The following DOCK5 variants were observed in gnomAD, a reference collection of about 807,000 sequenced individuals.
DOCK5 encodes dedicator of cytokinesis 5.
A neutral mutation model predicts 251.8 loss-of-function variants in DOCK5; 142 were observed. The observed-to-expected ratio is 0.56, with a 90% CI of 0.49 to 0.65. The LOEUF (loss-of-function observed/expected upper bound fraction) is 0.65. Among genes scored for constraint, DOCK5 ranks in the 30% least tolerant of loss-of-function variants. DOCK5 has a pLI of 0.00. For missense variants in DOCK5, 2,111 were observed against 2,312.3 expected (o/e 0.91, Z 1.79); for synonymous variants, 842 against 835.5 (o/e 1.01, Z -0.13).
chr8:25,338,185 G>T (rs117693285), intron 22 of DOCK5, among the ~76,000 whole-genome samples: 1 of 151,406 alleles, frequency 6.6e-6, no homozygotes, highest in South Asian at 2.1e-4. Flanking sequence ...GGGACCAAAG[G>T]GCACGTCACC....
chr8:25,243,161 C>T (rs1220683336), intron 1 of DOCK5, among the ~76,000 whole-genome samples: 3 of 152,080 alleles, frequency 2.0e-5, no homozygotes, highest in Non-Finnish European at 2.9e-5. Context: ...TGTGATTTGC[C>T]CCTCTATCAC....
chr8:25,366,506 C>A (rs769879783), intron 30 of DOCK5, among the ~76,000 whole-genome samples: 19 of 152,120 alleles, frequency 1.2e-4, no homozygotes, highest in Non-Finnish European at 2.6e-4. Context: ...CAACAAAATT[C>A]ATGGTTATTT....
chr8:25,358,829 A>C (rs1001093147), intron 27 of DOCK5, 134 bp from the exon 28 acceptor site: 12 of 728,350 alleles, frequency 1.6e-5, no homozygotes, highest in Non-Finnish European at 2.7e-5. Flanking sequence ...TTTAGAATGC[A>C]GCGTGTTTCC....
At chr8:25,380,476 G>A (rs1250811197) in intron 39 of DOCK5, 82 bp downstream of exon 39, 12 of 1,207,162 alleles carry the variant, frequency 9.9e-6, no homozygotes, top group South Asian at 9.5e-5. Flanking sequence ...TAAGTTGAAA[G>A]TCAGGATGAA....
chr8:25,383,163 A>G (rs1186693029), intron 40 of DOCK5, among the ~76,000 whole-genome samples: 1 of 152,178 alleles, frequency 6.6e-6, no homozygotes, highest in Non-Finnish European at 1.5e-5. Context: ...ATCCCAAAAT[A>G]AAACATTTTA....
At chr8:25,336,124 T>C in intron 21 of DOCK5, 115 bp from the exon 22 acceptor site, 1 of 1,148,296 alleles carries the variant, frequency 8.7e-7, no homozygotes, top group Non-Finnish European at 1.2e-6. Context: ...CTAGAAGATA[T>C]AATTAGTTAT....
At chr8:25,250,835 G>A (rs1210432608) in intron 2 of DOCK5, among the ~76,000 whole-genome samples, 2 of 152,316 alleles carry the variant, frequency 1.3e-5, no homozygotes, top group Middle Eastern at 3.4e-3. Flanking sequence ...AGAGGGAGAC[G>A]GAAGACTATT....
chr8:25,395,489 T>C lies in DOCK5; in HGVS notation c.4528-54T>C. 10 of 1,561,948 alleles carry C rather than the reference T, an allele frequency of 6.4e-6. No homozygotes were observed. The South Asian group carries it at 9.6e-5, about 15-fold the overall frequency. ...AAGGGAAGAGTTAAACTTTTTTCAG[T>C]CTTTACTTGGAGCTGACAAGTGTCC... On this transcript the variant is annotated intron_variant, in intron 44 of 51. Coordinates refer to ENST00000276440, the MANE Select transcript of DOCK5 (RefSeq NM_024940.8).
In DOCK5 at chr8:25,404,738, C is replaced by A. The variant is rs534746974; in HGVS notation, c.5093+1014C>A. ...ACAACTATATCAATATGGGAAAAATCTCGTATGTGAAATTGCTCTGTCAAA... is the reference window on the plus strand; with the variant it reads ...ACAACTATATCAATATGGGAAAAATATCGTATGTGAAATTGCTCTGTCAAA... On this transcript the variant is annotated intron_variant, in intron 48 of 51. Coordinates refer to ENST00000276440, the MANE Select transcript of DOCK5 (RefSeq NM_024940.8). 2.6e-4 allele frequency among the ~76,000 whole-genome samples: 40 copies of A among 152,032 alleles called. 1 individual carries two copies. The highest frequency in any genetic ancestry group is 3.4e-3 in the Middle Eastern group (1 of 294).
Position 25,243,776 on chromosome 8 carries a change from C to G in DOCK5, c.127+19C>G. ...TACGAGGGTAAGTCTGGCTGGCCTT[C>G]TGCCAGATGAGGGCAAGGGAAAAAC... On this transcript the variant is annotated intron_variant, in intron 2 of 51. Coordinates refer to ENST00000276440, the MANE Select transcript of DOCK5 (RefSeq NM_024940.8). 3 of 1,612,034 alleles carry G rather than the reference C, an allele frequency of 1.9e-6. No individual in the cohort carries two copies. Among genetic ancestry groups the G allele is most frequent in the Non-Finnish European group, 2.5e-6 (3 of 1,178,642 alleles).
At chr8:25,313,729 C>G (rs1401327989) in intron 13 of DOCK5, among the ~76,000 whole-genome samples, 1 of 152,188 alleles carries the variant, frequency 6.6e-6, no homozygotes, top group Non-Finnish European at 1.5e-5. Context: ...GCCATCTTCT[C>G]CCTTCGTCTT....
intron 16 of DOCK5, among the ~76,000 whole-genome samples, chr8:25,322,080 T>G (rs577449674): frequency 6.6e-6 from 1 of 152,344 alleles, no homozygotes; most frequent in South Asian, 2.1e-4. Context: ...TGGAATCGTC[T>G]TATTCTCATT....
At chr8:25,397,985 C>T (rs144707745) in intron 45 of DOCK5, among the ~76,000 whole-genome samples, 205 of 152,178 alleles carry the variant, frequency 1.3e-3, no homozygotes, top group Non-Finnish European at 2.3e-3. Context: ...TGGGGTAGCC[C>T]GTCATTACAT....
At chr8:25,325,944 C>T (rs1197390380) in intron 18 of DOCK5, among the ~76,000 whole-genome samples, 1 of 152,116 alleles carries the variant, frequency 6.6e-6, no homozygotes, top group Non-Finnish European at 1.5e-5. Flanking sequence ...CCTGTCCAAA[C>T]AGGTATGGCA....
intron 1 of DOCK5, among the ~76,000 whole-genome samples, chr8:25,214,559 A>G (rs964619047): frequency 3.3e-5 from 5 of 152,146 alleles, no homozygotes; most frequent in South Asian, 4.1e-4. Context: ...GTCAGTATCT[A>G]TAAGTATACA....
At chr8:25,398,108 C>G (rs1436566684) in intron 45 of DOCK5, among the ~76,000 whole-genome samples, 1 of 152,142 alleles carries the variant, frequency 6.6e-6, no homozygotes, top group Non-Finnish European at 1.5e-5. Flanking sequence ...ATTCATCTCC[C>G]CTTTCTGTTC....
chr8:25,265,207 C>T (rs1749998269), intron 2 of DOCK5, among the ~76,000 whole-genome samples: 1 of 151,962 alleles, frequency 6.6e-6, no homozygotes, highest in African/African-American at 2.4e-5. Flanking sequence ...TCACCCCAGA[C>T]CAGTTAAATC....
chr8:25,274,022 G>T (rs1281406338), intron 3 of DOCK5, among the ~76,000 whole-genome samples: 1 of 152,200 alleles, frequency 6.6e-6, no homozygotes, highest in African/African-American at 2.4e-5. Flanking sequence ...GGAAGCACAT[G>T]CAGGATCCAC....
At chr8:25,327,684 G>T (rs1805594266) in intron 18 of DOCK5, among the ~76,000 whole-genome samples, 1 of 152,092 alleles carries the variant, frequency 6.6e-6, no homozygotes, top group Non-Finnish European at 1.5e-5. Flanking sequence ...TCCCGATATG[G>T]TAGCCCCCAG....
Sources: gnomAD v4.1 joint callset for allele counts (sites outside exome capture counted in the v4.1 genomes callset) on GRCh38, gnomAD v4.1.1 for gene constraint, MANE v1.5 for transcripts, NCBI Gene and HGNC (gene_info 2026-07-23, HGNC 2026-07-21) for gene names.